Variants in RAB11FIP4 observed in about 807,000 individuals in gnomAD.
RAB11FIP4 encodes rab11 family-interacting protein 4.
Under a neutral mutation model 74.3 loss-of-function variants are expected in RAB11FIP4, and 23 were observed. The observed-to-expected ratio is 0.31, with a 90% CI of 0.22 to 0.44. The LOEUF is 0.44. Ranked by LOEUF, RAB11FIP4 falls within the 20% of genes least tolerant of loss-of-function variation. RAB11FIP4 has a pLI of 1.00. For missense variants in RAB11FIP4, 630 were observed against 863.9 expected (o/e 0.73, Z 3.39); for synonymous variants, 360 against 359.9 (o/e 1.00, Z 0.00).
At chr17:31,444,969 A>G (rs1171168902) in intron 3 of RAB11FIP4, among the ~76,000 whole-genome samples, 2 of 152,118 alleles carry the variant, frequency 1.3e-5, no homozygotes, top group Non-Finnish European at 2.9e-5. Context: ...ACACAATCAC[A>G]TGAGGGCAGA....
intron 3 of RAB11FIP4, among the ~76,000 whole-genome samples, chr17:31,494,456 T>C (rs1483687253): frequency 6.6e-6 from 1 of 152,130 alleles, no homozygotes; most frequent in Non-Finnish European, 1.5e-5. Flanking sequence ...AGGCTTCAGC[T>C]GGTTTGATTG....
intron 3 of RAB11FIP4, among the ~76,000 whole-genome samples, chr17:31,485,634 C>T (rs1481608371): frequency 1.3e-5 from 2 of 152,114 alleles, no homozygotes; most frequent in Non-Finnish European, 2.9e-5. Context: ...CCTTTTGGGA[C>T]ACTGCTGAGC....
In RAB11FIP4 at chr17:31,512,036, C is replaced by T. The variant is rs1468770768; in HGVS notation, c.337-5615C>T. Among the ~76,000 whole-genome samples the T allele has an allele frequency of 6.6e-6, 1 of 152,152 alleles. No individual in the cohort carries two copies. The highest frequency in any genetic ancestry group is 1.5e-5 in the Non-Finnish European group (1 of 68,014). On this transcript the variant is annotated intron_variant, in intron 3 of 14. Transcript: ENST00000621161. This position sits in a 1 kb window ranked among gnomAD's most constrained non-coding sequence, Gnocchi z 4.1. ...AGAGTGGCTGGCTGGATCCTGTTCTCCAGCTCTCTCCAGAATGCCCTGGCC... is the reference window on the plus strand; with the variant it reads ...AGAGTGGCTGGCTGGATCCTGTTCTTCAGCTCTCTCCAGAATGCCCTGGCC...
intron 3 of RAB11FIP4, among the ~76,000 whole-genome samples, chr17:31,435,556 C>G (rs1009848763): frequency 1.1e-4 from 17 of 152,232 alleles, no homozygotes; most frequent in South Asian, 2.1e-4. Flanking sequence ...AGCCCAACCC[C>G]CAAACCTTTT....
At chr17:31,467,136 G>A (rs931718008) in intron 3 of RAB11FIP4, among the ~76,000 whole-genome samples, 4 of 143,664 alleles carry the variant, frequency 2.8e-5, no homozygotes, top group African/African-American at 5.5e-5. Flanking sequence ...TTTTTGAGAT[G>A]GAGTCTTGCT....
intron 3 of RAB11FIP4, among the ~76,000 whole-genome samples, chr17:31,510,116 G>A (rs1019473976): frequency 6.6e-6 from 1 of 152,216 alleles, no homozygotes; most frequent in Non-Finnish European, 1.5e-5. Context: ...ACAGTGGGGT[G>A]TGGAAGACCC....
At chr17:31,460,548 A>G (rs2071624560) in intron 3 of RAB11FIP4, among the ~76,000 whole-genome samples, 1 of 152,184 alleles carries the variant, frequency 6.6e-6, no homozygotes, top group South Asian at 2.1e-4. Flanking sequence ...TGACAGCAAG[A>G]CAGAGTGCTA....
chr17:31,464,239 C>T (rs1371293571), intron 3 of RAB11FIP4, among the ~76,000 whole-genome samples: 3 of 151,340 alleles, frequency 2.0e-5, no homozygotes, highest in Non-Finnish European at 4.4e-5. Context: ...CTTTCTCAGG[C>T]TGATCAAGCA....
intron 3 of RAB11FIP4, among the ~76,000 whole-genome samples, chr17:31,482,600 GA>G (rs879868946): frequency 4.5e-4 from 62 of 139,050 alleles, no homozygotes; most frequent in African/African-American, 1.7e-3. Flanking sequence ...GAAAAAAAAA[GA>G]AAAAAAAAAG....
chr17:31,442,101 C>A (rs1258830994), intron 3 of RAB11FIP4, among the ~76,000 whole-genome samples: 1 of 151,910 alleles, frequency 6.6e-6, no homozygotes, highest in Admixed American at 6.6e-5. Context: ...TGGGTTCACG[C>A]CATTCTCCTG....
At chr17:31,505,596 T>TTA (rs1486952533) in intron 3 of RAB11FIP4, among the ~76,000 whole-genome samples, 4 of 66,348 alleles carry the variant, frequency 6.0e-5, no homozygotes, top group Non-Finnish European at 1.1e-4. Flanking sequence ...TAATTATATA[T>TTA]TATATAATAA....
At chr17:31,409,584 T>C (rs1264807149) in intron 1 of RAB11FIP4, among the ~76,000 whole-genome samples, 1 of 152,156 alleles carries the variant, frequency 6.6e-6, no homozygotes, top group Non-Finnish European at 1.5e-5. Flanking sequence ...TCCAGATGTG[T>C]AGGAAAACTT....
At chr17:31,492,588 G>T (rs1050500339) in intron 3 of RAB11FIP4, among the ~76,000 whole-genome samples, 1 of 152,178 alleles carries the variant, frequency 6.6e-6, no homozygotes, top group East Asian at 1.9e-4. Flanking sequence ...CTGCAGAGAA[G>T]GTGCCCCCAG....
rs559049215 is a variant in RAB11FIP4 at position 31,463,796 on chromosome 17, G to A, written c.336+29674G>A. Among the ~76,000 whole-genome samples, 220 of 108,758 alleles carry A rather than the reference G, an allele frequency of 2.0e-3. 1 individual carries two copies. Among genetic ancestry groups the A allele is most frequent in the African/African-American group, 8.6e-3 (210 of 24,472 alleles). 71.3% of individuals were successfully genotyped at this position (108,758 alleles called of 152,430 possible). A position where few individuals can be genotyped will look rare whatever the true frequency, so the allele number is the denominator to read the frequency against. On this transcript the variant is annotated intron_variant, in intron 3 of 14. Coordinates refer to ENST00000621161, the MANE Select transcript of RAB11FIP4 (RefSeq NM_032932.6). ...TGGGATTACAGGTGTGAGCCACTGC[G>A]CCTGGACTTTTTTTTTTTTTTTTTT...
intron 3 of RAB11FIP4, among the ~76,000 whole-genome samples, chr17:31,473,461 C>G (rs178899): frequency 0.81 from 122,224 of 151,818 alleles, 49,709 homozygotes; most frequent in African/African-American, 0.92. Context: ...AGCATCACTG[C>G]AGCCCAGGTG....
chr17:31,487,947 G>A lies in RAB11FIP4; in HGVS notation c.337-29704G>A, dbSNP rs961747538. On this transcript the variant is annotated intron_variant, in intron 3 of 14. Transcript: ENST00000621161. ...CCCGCGGCTCGGGTTCCGGGGCCGC[G>A]TCCCTGTCCTCCGCCCCCGCCCCCG... 5.5e-6 allele frequency: 4 copies of A among 725,308 alleles called. No homozygotes were observed. The African/African-American group carries it at 7.7e-5, about 14-fold the overall frequency. 44.9% of individuals were successfully genotyped at this position (725,308 alleles called of 1,614,324 possible).
rs1040525766 is a variant in RAB11FIP4, at chr17:31,536,892, C to T, written c.*5160C>T. On this transcript the variant is annotated 3_prime_UTR_variant, in exon 15 of 15. Transcript: ENST00000621161. Reference sequence around the variant, plus strand: ...CCTGGGGAAGTATAATGTCACCATGCTCACCAGGCGAGGTTTCCCATATGA... The same window carrying T: ...CCTGGGGAAGTATAATGTCACCATGTTCACCAGGCGAGGTTTCCCATATGA... 1 of 398,332 alleles carries T rather than the reference C, an allele frequency of 2.5e-6. No individual in the cohort carries two copies. The highest frequency in any genetic ancestry group is 3.6e-5 in the East Asian group (1 of 28,080). 24.7% of individuals were successfully genotyped at this position (398,332 alleles called of 1,614,324 possible). A position where few individuals can be genotyped will look rare whatever the true frequency, so the allele number is the denominator to read the frequency against.
chr17:31,497,790 AG>A (rs1238287188), intron 3 of RAB11FIP4, among the ~76,000 whole-genome samples: 3 of 152,060 alleles, frequency 2.0e-5, no homozygotes, highest in African/African-American at 7.2e-5. Context: ...TGCTGGCTAG[AG>A]GGAGGCTTTA....
intron 3 of RAB11FIP4, among the ~76,000 whole-genome samples, chr17:31,471,344 C>T (rs1275213830): frequency 3.3e-5 from 5 of 151,696 alleles, no homozygotes; most frequent in African/African-American, 4.8e-5. Flanking sequence ...GGATTACAGA[C>T]GTGAGCCACT....
Sources: gnomAD v4.1 joint callset for allele counts (sites outside exome capture counted in the v4.1 genomes callset) on GRCh38, gnomAD v4.1.1 for gene constraint, Gnocchi (gnomAD v3.1) non-coding constraint, MANE v1.5 for transcripts, NCBI Gene and HGNC (gene_info 2026-07-23, HGNC 2026-07-21) for gene names.